Variants in MAEL observed in about 807,000 individuals in gnomAD.
MAEL encodes the protein maelstrom spermatogenic transposon silencer, also known as protein maelstrom homolog.
A neutral mutation model predicts 62.0 loss-of-function variants in MAEL; 46 were observed. The observed-to-expected ratio is 0.74, with a 90% CI of 0.59 to 0.95. The LOEUF is 0.95. Ranked by LOEUF, MAEL falls within the 40% of genes least tolerant of loss-of-function variation. The pLI, the probability that MAEL is intolerant of heterozygous loss-of-function variation, is 0.00. For missense variants in MAEL, 497 were observed against 526.8 expected (o/e 0.94, Z 0.55); for synonymous variants, 172 against 175.5 (o/e 0.98, Z 0.16).
upstream of MAEL, among the ~76,000 whole-genome samples, chr1:166,988,272 C>T (rs1663988026): frequency 6.6e-6 from 1 of 150,556 alleles, no homozygotes; most frequent in Non-Finnish European, 1.5e-5. Flanking sequence ...CCTACTTGAG[C>T]CCAGGAGGTC....
In MAEL at chr1:166,989,966, TC is replaced by T. The variant is rs551736834; in HGVS notation, c.225+141del. 1,404 of 665,714 alleles carry T rather than the reference TC, an allele frequency of 2.1e-3. 14 individuals carry two copies. The African/African-American group carries it at 0.023, about 11-fold the overall frequency. 41.2% of individuals were successfully genotyped at this position (665,714 alleles called of 1,614,324 possible). A position where few individuals can be genotyped will look rare whatever the true frequency, so the allele number is the denominator to read the frequency against. ...TAGTGCGAAGACGACGTTCTTCTTTTCCCCTGGTGTCAGAATGCCTGTTAAA... is the reference window on the plus strand; with the variant it reads ...TAGTGCGAAGACGACGTTCTTCTTTTCCCTGGTGTCAGAATGCCTGTTAAA... On this transcript the variant is annotated intron_variant, in intron 2 of 11. Coordinates refer to ENST00000367872, the MANE Select transcript of MAEL (RefSeq NM_032858.3).
chr1:166,990,778 A>G (rs1664137740), intron 2 of MAEL: 1 of 152,238 alleles, frequency 6.6e-6, no homozygotes, highest in African/African-American at 2.4e-5. Context: ...AGTGCCAGGT[A>G]ATTGTTGGTG....
In MAEL at chr1:167,005,057, T is replaced by C; in HGVS notation, c.649-19T>C. The C allele has an allele frequency of 6.2e-7, 1 of 1,611,278 alleles. No homozygotes were observed. Among genetic ancestry groups the C allele is most frequent in the Non-Finnish European group, 8.5e-7 (1 of 1,178,582 alleles). On this transcript the variant is annotated intron_variant, in intron 6 of 11. Transcript: ENST00000367872. ...CAAGTAGTTTTTTTGTTTTGTTTTT[T>C]GTTTTTTGCTTTCTCCAGTCTGATG...
intron 7 of MAEL, 28 bp from the exon 8 acceptor site, chr1:167,005,228 T>C (rs774747889): frequency 6.2e-7 from 1 of 1,611,698 alleles, no homozygotes; most frequent in Non-Finnish European, 8.5e-7. Flanking sequence ...TTACTAATTG[T>C]ATGTGTTTTT....
chr1:166,994,257 C>A (rs2102074828), intron 5 of MAEL, among the ~76,000 whole-genome samples, 188 bp downstream of exon 5: 1 of 152,244 alleles, frequency 6.6e-6, no homozygotes, highest in East Asian at 1.9e-4. Context: ...AGTATACTGT[C>A]CCTTTTCTTT....
At chr1:167,008,692 G>C (rs917498347) in intron 8 of MAEL, among the ~76,000 whole-genome samples, 3 of 151,854 alleles carry the variant, frequency 2.0e-5, no homozygotes, top group Non-Finnish European at 2.9e-5. Context: ...GATGTGTTTA[G>C]TAGAGTGAAT....
chr1:166,987,702 G>C (rs886544883), upstream of MAEL, among the ~76,000 whole-genome samples: 1 of 152,060 alleles, frequency 6.6e-6, no homozygotes, highest in African/African-American at 2.4e-5. Flanking sequence ...AAAATTAGGT[G>C]AATAAAACTA....
At chr1:166,977,582 G>A (rs1663630288) in intron 1 of MAEL, among the ~76,000 whole-genome samples, 1 of 152,200 alleles carries the variant, frequency 6.6e-6, no homozygotes, top group Admixed American at 6.5e-5. Flanking sequence ...ATTATGCTGT[G>A]CCATTTACTG....
chr1:166,991,666 T>A (rs1190540973), intron 3 of MAEL, among the ~76,000 whole-genome samples, 189 bp downstream of exon 3: 1 of 152,202 alleles, frequency 6.6e-6, no homozygotes, highest in African/African-American at 2.4e-5. Context: ...AGAGTGGTTT[T>A]TTTTTTAACA....
upstream of MAEL, chr1:166,989,231 C>T: frequency 7.6e-7 from 1 of 1,321,518 alleles, no homozygotes; most frequent in Non-Finnish European, 1.0e-6. Flanking sequence ...GCGTCGCTTC[C>T]TGATTGGCCG....
At chr1:167,006,294 C>T (rs1203572047) in intron 8 of MAEL, among the ~76,000 whole-genome samples, 1 of 152,012 alleles carries the variant, frequency 6.6e-6, no homozygotes, top group Non-Finnish European at 1.5e-5. Flanking sequence ...GTTATTATAT[C>T]TCTTTAATCT....
intron 9 of MAEL, among the ~76,000 whole-genome samples, 159 bp from the exon 10 acceptor site, chr1:167,017,668 G>T (rs1037561201): frequency 6.6e-5 from 10 of 151,998 alleles, no homozygotes; most frequent in Non-Finnish European, 1.0e-4. Context: ...TATATGTATT[G>T]CTATTTATTT....
chr1:166,997,777 A>G (rs1038442184), intron 5 of MAEL, among the ~76,000 whole-genome samples: 4 of 152,210 alleles, frequency 2.6e-5, no homozygotes, highest in African/African-American at 9.7e-5. Context: ...TTATTCAAGA[A>G]TTCTTTACCC....
At chr1:166,999,286 T>G (rs1345692743) in intron 5 of MAEL, among the ~76,000 whole-genome samples, 1 of 152,206 alleles carries the variant, frequency 6.6e-6, no homozygotes, top group Non-Finnish European at 1.5e-5. Flanking sequence ...TGAAGGAAAT[T>G]TATGTACTAC....
chr1:166,998,121 CT>C (rs2102082955), intron 5 of MAEL, among the ~76,000 whole-genome samples: 1 of 152,268 alleles, frequency 6.6e-6, no homozygotes, highest in East Asian at 1.9e-4. Flanking sequence ...CGACCTCATT[CT>C]TTTGGAATAT....
chr1:166,989,253 C>T (rs1664041577), upstream of MAEL: 2 of 1,442,896 alleles, frequency 1.4e-6, no homozygotes, highest in Non-Finnish European at 1.9e-6. Flanking sequence ...GAGTTGCGGG[C>T]TGCGTGCGCA....
At chr1:166,976,411 G>A (rs1663582055) in intron 1 of MAEL, among the ~76,000 whole-genome samples, 1 of 152,206 alleles carries the variant, frequency 6.6e-6, no homozygotes, top group Non-Finnish European at 1.5e-5. Context: ...ATCTTGGGTC[G>A]AGGAAAGGGA....
At chr1:167,000,741 C>T (rs1007350344) in intron 5 of MAEL, among the ~76,000 whole-genome samples, 64 of 152,186 alleles carry the variant, frequency 4.2e-4, no homozygotes, top group Non-Finnish European at 2.9e-5. Flanking sequence ...GCTTCAGCAA[C>T]CATGACCCTG....
At chr1:167,007,258 G>T (rs1226151303) in intron 8 of MAEL, among the ~76,000 whole-genome samples, 1 of 151,346 alleles carries the variant, frequency 6.6e-6, no homozygotes, top group Non-Finnish European at 1.5e-5. Flanking sequence ...TGATCAAATT[G>T]TTCCATATAT....
Sources: gnomAD v4.1 joint callset for allele counts (sites outside exome capture counted in the v4.1 genomes callset) on GRCh38, gnomAD v4.1.1 for gene constraint, MANE v1.5 for transcripts, NCBI Gene and HGNC (gene_info 2026-07-23, HGNC 2026-07-21) for gene names.